The following TRAPPC9 variants were observed in gnomAD, a reference collection of about 807,000 sequenced individuals.
The protein encoded by TRAPPC9 is trafficking protein particle complex subunit 9.
Under a neutral mutation model 124.0 loss-of-function variants are expected in TRAPPC9, and 83 were observed. The observed-to-expected ratio is 0.67, with a 90% CI of 0.56 to 0.80. The LOEUF is 0.80. Ranked by LOEUF, TRAPPC9 falls within the 30% of genes least tolerant of loss-of-function variation. TRAPPC9 has a pLI of 0.00. For synonymous variants in TRAPPC9, 638 were observed against 617.5 expected (o/e 1.03, Z -0.49); for missense variants, 1,302 against 1,508.3 (o/e 0.86, Z 2.27).
intron 9 of TRAPPC9, among the ~76,000 whole-genome samples, chr8:140,347,076 C>T (rs931052672): frequency 3.3e-5 from 5 of 152,228 alleles, no homozygotes; most frequent in Admixed American, 3.3e-4. Context: ...TCCTCCAGCT[C>T]TGGGCCAGGC....
chr8:140,369,983 G>A (rs769914698), intron 8 of TRAPPC9, among the ~76,000 whole-genome samples: 11 of 151,980 alleles, frequency 7.2e-5, no homozygotes, highest in Admixed American at 3.9e-4. Context: ...AAAGGATGCC[G>A]AAGAACCCAT....
At chr8:140,089,850 C>T (rs143897316) in intron 17 of TRAPPC9, among the ~76,000 whole-genome samples, 356 of 152,042 alleles carry the variant, frequency 2.3e-3, no homozygotes, top group African/African-American at 8.1e-3. Flanking sequence ...GAGGCCGAGG[C>T]GGGCATATCA....
intron 17 of TRAPPC9, among the ~76,000 whole-genome samples, chr8:140,156,363 G>A (rs774150254): frequency 2.6e-5 from 4 of 152,214 alleles, no homozygotes; most frequent in African/African-American, 4.8e-5. Flanking sequence ...GCTCTGAAAA[G>A]TGAAAATAAT....
chr8:140,251,555 G>A (rs1206832983), intron 16 of TRAPPC9, among the ~76,000 whole-genome samples: 1 of 152,212 alleles, frequency 6.6e-6, no homozygotes, highest in African/African-American at 2.4e-5. Flanking sequence ...TATTTGAACT[G>A]CAGAGGGTGC....
At chr8:139,922,915 A>C (rs915003682) in intron 19 of TRAPPC9, among the ~76,000 whole-genome samples, 1 of 152,206 alleles carries the variant, frequency 6.6e-6, no homozygotes, top group Non-Finnish European at 1.5e-5. Flanking sequence ...TCATTAAAGC[A>C]AGCAAGCAAG....
intron 15 of TRAPPC9, among the ~76,000 whole-genome samples, chr8:140,263,898 T>C (rs2064520479): frequency 2.6e-5 from 4 of 152,184 alleles, no homozygotes; most frequent in Admixed American, 2.6e-4. Context: ...GCTCCATCTC[T>C]ACCTCTGTCC....
At chr8:140,145,168 G>A (rs1430886372) in intron 17 of TRAPPC9, among the ~76,000 whole-genome samples, 4 of 152,068 alleles carry the variant, frequency 2.6e-5, no homozygotes, top group South Asian at 4.2e-4. Context: ...AAGCCACTGC[G>A]CCCAGCCTCT....
intron 17 of TRAPPC9, among the ~76,000 whole-genome samples, chr8:140,214,767 T>C (rs539727055): frequency 6.6e-6 from 1 of 152,260 alleles, no homozygotes; most frequent in East Asian, 1.9e-4. Flanking sequence ...GGAAAGACAG[T>C]CATGAACGTG....
At chr8:140,211,150 T>C (rs893832255) in intron 17 of TRAPPC9, among the ~76,000 whole-genome samples, 5 of 152,180 alleles carry the variant, frequency 3.3e-5, no homozygotes, top group Non-Finnish European at 7.4e-5. Flanking sequence ...CCTAGTGCTT[T>C]GGGAGACCAA....
chr8:140,352,362 T>G (rs765539029), intron 9 of TRAPPC9, among the ~76,000 whole-genome samples: 5 of 152,224 alleles, frequency 3.3e-5, no homozygotes, highest in African/African-American at 1.2e-4. Context: ...AGAGAGGCAC[T>G]GCATAGCGAC....
At chr8:140,323,911 C>T (rs1319275099) in intron 9 of TRAPPC9, among the ~76,000 whole-genome samples, 7 of 151,806 alleles carry the variant, frequency 4.6e-5, no homozygotes, top group South Asian at 4.2e-4. Context: ...TTTTTATTTG[C>T]ATAGGTTTTC....
chr8:140,418,352 T>G (rs1435521805), intron 5 of TRAPPC9, among the ~76,000 whole-genome samples: 1 of 152,232 alleles, frequency 6.6e-6, no homozygotes, highest in Non-Finnish European at 1.5e-5. Flanking sequence ...ATTCATTATA[T>G]GAGGCTAATG....
chr8:139,810,049 G>C (rs1490484445), intron 21 of TRAPPC9, among the ~76,000 whole-genome samples: 1 of 152,176 alleles, frequency 6.6e-6, no homozygotes, highest in East Asian at 1.9e-4. Flanking sequence ...TGCTCAGACA[G>C]GCAGACCTGG....
intron 21 of TRAPPC9, among the ~76,000 whole-genome samples, chr8:139,868,847 C>A (rs547214534): frequency 1.6e-4 from 25 of 152,122 alleles, no homozygotes; most frequent in African/African-American, 6.0e-4. Flanking sequence ...GGTAGAGAGA[C>A]AAACAAGAAA....
At chr8:140,191,017 C>T (rs1266743967) in intron 17 of TRAPPC9, among the ~76,000 whole-genome samples, 4 of 152,174 alleles carry the variant, frequency 2.6e-5, no homozygotes, top group African/African-American at 7.2e-5. Flanking sequence ...ATGAGAAGAA[C>T]GGGCAGTCTC....
chr8:140,002,997 A>G (rs1838504286), intron 18 of TRAPPC9, among the ~76,000 whole-genome samples: 1 of 151,948 alleles, frequency 6.6e-6, no homozygotes, highest in African/African-American at 2.4e-5. Context: ...GTAGGATCCA[A>G]AAAAGGAAAA....
At chr8:139,956,230 C>T (rs1249802347) in intron 19 of TRAPPC9, among the ~76,000 whole-genome samples, 1 of 151,370 alleles carries the variant, frequency 6.6e-6, no homozygotes, top group Non-Finnish European at 1.5e-5. Flanking sequence ...GGTGTGATCT[C>T]GGCTCACTGC....
intron 17 of TRAPPC9, among the ~76,000 whole-genome samples, chr8:140,033,672 T>TTGTTTG (rs1563706805): frequency 5.3e-5 from 5 of 94,210 alleles, no homozygotes; most frequent in African/African-American, 1.4e-4. Flanking sequence ...TTTTTTTTTT[T>TTGTTTG]TTTTTTTTTT....
chr8:140,120,586 T>TCATC (rs780812579), intron 17 of TRAPPC9, among the ~76,000 whole-genome samples: 1 of 134,164 alleles, frequency 7.5e-6, no homozygotes, highest in Non-Finnish European at 1.6e-5. Context: ...ATCCATCCAT[T>TCATC]CATCCATCCA....
Sources: allele counts gnomAD v4.1 joint callset (sites outside exome capture counted in the v4.1 genomes callset), GRCh38; gene constraint gnomAD v4.1.1; transcripts MANE v1.5; gene names NCBI Gene and HGNC (gene_info 2026-07-23, HGNC 2026-07-21).